ANO2: variants seen among roughly 807,000 people sequenced by gnomAD.
ANO2 encodes anoctamin 2, also known as anoctamin-2.
In ANO2, 101 loss-of-function variants were observed where a neutral mutation model predicts 124.2. The observed-to-expected ratio is 0.81, with a 90% CI of 0.69 to 0.96. ANO2 has a LOEUF of 0.96. ANO2 is among the 40% of genes least tolerant of loss of function. The pLI, the probability that ANO2 is intolerant of heterozygous loss-of-function variation, is 0.00. For missense variants in ANO2, 1,293 were observed against 1,274.5 expected (o/e 1.01, Z -0.22); for synonymous variants, 486 against 482.5 (o/e 1.01, Z -0.09).
At chr12:5,878,323 A>G (rs1272671597) in intron 3 of ANO2, among the ~76,000 whole-genome samples, 1 of 152,246 alleles carries the variant, frequency 6.6e-6, no homozygotes, top group Middle Eastern at 3.2e-3. Context: ...GGTGAGGATC[A>G]CACATTAAGG....
chr12:5,927,519 T>C (rs1248881558), intron 1 of ANO2, among the ~76,000 whole-genome samples: 1 of 152,200 alleles, frequency 6.6e-6, no homozygotes, highest in Non-Finnish European at 1.5e-5. Context: ...TTTCTGGGCC[T>C]GCCCAAAGCC....
At chr12:5,639,710 G>GA (rs1193267019) in intron 15 of ANO2, among the ~76,000 whole-genome samples, 1 of 152,170 alleles carries the variant, frequency 6.6e-6, no homozygotes, top group Admixed American at 6.5e-5. Flanking sequence ...GCCAGGAGGG[G>GA]GCCCTGTAGT....
intron 14 of ANO2, among the ~76,000 whole-genome samples, chr12:5,699,354 G>A (rs1424288884): frequency 2.6e-5 from 4 of 151,888 alleles, no homozygotes; most frequent in Non-Finnish European, 5.9e-5. Flanking sequence ...GCTTCATAAG[G>A]GAAGGAGACA....
At chr12:5,701,959 A>G (rs1449524775) in intron 14 of ANO2, among the ~76,000 whole-genome samples, 1 of 152,212 alleles carries the variant, frequency 6.6e-6, no homozygotes, top group African/African-American at 2.4e-5. Flanking sequence ...ATTCCTTCTT[A>G]ATTTTTCAAA....
intron 11 of ANO2, among the ~76,000 whole-genome samples, chr12:5,746,884 T>C (rs1310014913): frequency 6.6e-6 from 1 of 152,230 alleles, no homozygotes; most frequent in Non-Finnish European, 1.5e-5. Context: ...CCTAGTGTTC[T>C]CTGTTCATGT....
intron 19 of ANO2, among the ~76,000 whole-genome samples, 195 bp downstream of exon 19, chr12:5,612,461 C>G (rs1325222082): frequency 6.6e-6 from 1 of 152,178 alleles, no homozygotes; most frequent in Non-Finnish European, 1.5e-5. Flanking sequence ...GTAAATCCTT[C>G]TGAGCCTCCA....
intron 4 of ANO2, among the ~76,000 whole-genome samples, chr12:5,835,909 T>C (rs186871267): frequency 1.3e-5 from 2 of 152,228 alleles, no homozygotes; most frequent in Non-Finnish European, 2.9e-5. Context: ...TATAGGCCAT[T>C]CAGTGCAGGT....
intron 3 of ANO2, among the ~76,000 whole-genome samples, chr12:5,873,591 C>A (rs535740137): frequency 6.6e-6 from 1 of 152,194 alleles, no homozygotes; most frequent in Non-Finnish European, 1.5e-5. Context: ...CATGTCCTGG[C>A]GATTAAGGAT....
At chr12:5,697,871 CTG>C (rs1949250130) in intron 14 of ANO2, among the ~76,000 whole-genome samples, 1 of 152,228 alleles carries the variant, frequency 6.6e-6, no homozygotes, top group Non-Finnish European at 1.5e-5. Context: ...GCACAGCAGT[CTG>C]AGATTGAACT....
intron 3 of ANO2, chr12:5,856,628 C>G (rs1051226981): frequency 6.6e-6 from 1 of 152,172 alleles, no homozygotes; most frequent in Non-Finnish European, 1.5e-5. Flanking sequence ...CCCCTTAACC[C>G]GCTGCCTGGA....
At chr12:5,826,710 C>A (rs190679950) in intron 7 of ANO2, among the ~76,000 whole-genome samples, 2 of 152,238 alleles carry the variant, frequency 1.3e-5, no homozygotes, top group Non-Finnish European at 2.9e-5. Context: ...AAAAGACTAT[C>A]ATGGCATAAA....
At chr12:5,634,580 A>C (rs1312876997) in intron 16 of ANO2, among the ~76,000 whole-genome samples, 1 of 152,172 alleles carries the variant, frequency 6.6e-6, no homozygotes, top group African/African-American at 2.4e-5. Flanking sequence ...CTCAAATGAC[A>C]CACCTGAATA....
chr12:5,763,436 T>G (rs533630135), intron 10 of ANO2, among the ~76,000 whole-genome samples: 4 of 152,222 alleles, frequency 2.6e-5, no homozygotes, highest in Admixed American at 1.3e-4. Flanking sequence ...CATGCCTTGC[T>G]TTTCTCTTCT....
chr12:5,755,934 A>T (rs1951569356), intron 10 of ANO2, among the ~76,000 whole-genome samples: 1 of 152,094 alleles, frequency 6.6e-6, no homozygotes, highest in Non-Finnish European at 1.5e-5. Flanking sequence ...TATTCCCTTA[A>T]TAAGCTTTCT....
chr12:5,653,514 C>G (rs141200256), intron 14 of ANO2, among the ~76,000 whole-genome samples: 1 of 152,300 alleles, frequency 6.6e-6, no homozygotes, highest in African/African-American at 2.4e-5. Flanking sequence ...TGGTAACTTT[C>G]CTTACTGAGC....
chr12:5,578,566 C>T, intron 20 of ANO2, 48 bp from the exon 21 acceptor site: 2 of 1,578,678 alleles, frequency 1.3e-6, no homozygotes, highest in Non-Finnish European at 1.7e-6. Context: ...AAGCAGGACT[C>T]AGGTCCCTTC....
chr12:5,894,597 T>C (rs1412012416), intron 3 of ANO2, among the ~76,000 whole-genome samples: 1 of 152,186 alleles, frequency 6.6e-6, no homozygotes, highest in African/African-American at 2.4e-5. Flanking sequence ...TTGCCTAGGT[T>C]TTCTTCTAGG....
intron 20 of ANO2, among the ~76,000 whole-genome samples, chr12:5,581,328 G>T (rs1198824420): frequency 6.6e-6 from 1 of 152,160 alleles, no homozygotes; most frequent in African/African-American, 2.4e-5. Context: ...CCTCCGCAAG[G>T]GTTTGGCAAG....
At chr12:5,906,347 TAAAAAAAAAAA>T (rs751453765) in intron 3 of ANO2, among the ~76,000 whole-genome samples, 1 of 132,724 alleles carries the variant, frequency 7.5e-6, no homozygotes, top group Admixed American at 7.6e-5. Flanking sequence ...CACACATTGT[TAAAAAAAAAAA>T]AAAAAGAAAA....
Sources: allele counts gnomAD v4.1 joint callset (sites outside exome capture counted in the v4.1 genomes callset), GRCh38; gene constraint gnomAD v4.1.1; transcripts MANE v1.5; gene names NCBI Gene and HGNC (gene_info 2026-07-23, HGNC 2026-07-21).